ARHGAP42: variants seen among roughly 807,000 people sequenced by gnomAD.
ARHGAP42 encodes the protein rho GTPase-activating protein 42.
ARHGAP42 carries 63 observed loss-of-function variants against 125.0 expected under a neutral mutation model. The observed-to-expected ratio is 0.50, with a 90% CI of 0.41 to 0.62. The LOEUF is 0.62. ARHGAP42 is among the 20% of genes least tolerant of loss of function. The probability of loss-of-function intolerance (pLI) is 0.00; values close to 1 mark genes in which losing one functional copy is unlikely to be tolerated. For missense variants in ARHGAP42, 766 were observed against 1,024.2 expected, an observed-to-expected ratio of 0.75 and a Z score of 3.44; for synonymous variants, 339 against 351.0, an observed-to-expected ratio of 0.97 and a Z score of 0.38.
At chr11:100,750,028 C>T (rs1023127181) in intron 1 of ARHGAP42, among the ~76,000 whole-genome samples, 4 of 152,146 alleles carry the variant, frequency 2.6e-5, no homozygotes, top group Non-Finnish European at 4.4e-5. Flanking sequence ...CTCCTGATTT[C>T]TCACCCCTGA....
At chr11:100,821,546 C>A (rs1045155446) in intron 3 of ARHGAP42, among the ~76,000 whole-genome samples, 2 of 151,522 alleles carry the variant, frequency 1.3e-5, no homozygotes, top group Admixed American at 6.6e-5. Flanking sequence ...TGTGAAACAT[C>A]CCTTGTATGC....
intron 17 of ARHGAP42, among the ~76,000 whole-genome samples, chr11:100,967,807 G>A (rs765036365): frequency 4.6e-5 from 7 of 152,072 alleles, no homozygotes; most frequent in Non-Finnish European, 1.0e-4. Flanking sequence ...TCCATCTCCT[G>A]GGTTCAAGTG....
intron 10 of ARHGAP42, among the ~76,000 whole-genome samples, chr11:100,945,373 C>T (rs1867988097): frequency 6.6e-6 from 1 of 151,982 alleles, no homozygotes; most frequent in East Asian, 1.9e-4. Context: ...ATTTTGGCTT[C>T]CTCCCACGAG....
intron 2 of ARHGAP42, among the ~76,000 whole-genome samples, chr11:100,775,832 T>C (rs73575556): frequency 0.013 from 1,933 of 152,300 alleles, 52 homozygotes; most frequent in African/African-American, 0.043. Context: ...AAATCAAAGA[T>C]TAAAAATGAG....
At chr11:100,789,956 C>T (rs74774118) in intron 2 of ARHGAP42, among the ~76,000 whole-genome samples, 2,513 of 152,252 alleles carry the variant, frequency 0.017, 68 homozygotes, top group African/African-American at 0.056. Flanking sequence ...GCAAGAGAGA[C>T]ATGCTTTCCC....
In ARHGAP42 at chr11:100,757,647, A is replaced by G. The variant is rs758956239; in HGVS notation, c.155-12696A>G. ...ATGAAATCTGCAATTTAAAAATGCC[A>G]TTTTTGCCAAAATAGTTTCAAAAAT... On this transcript the variant is annotated intron_variant, in intron 1 of 23. Transcript: ENST00000298815. Among the ~76,000 whole-genome samples, 3 of 152,196 alleles carry G rather than the reference A, an allele frequency of 2.0e-5. No individual in the cohort carries two copies. In the South Asian group the frequency reaches 6.2e-4, roughly 31 times the overall value.
At position 100,992,327 on chromosome 11, in the gene ARHGAP42, G is replaced by T; in HGVS notation, c.*3526G>T. 1 of 1,608,878 alleles carries T rather than the reference G, an allele frequency of 6.2e-7. No individual in the cohort carries two copies. Among genetic ancestry groups the T allele is most frequent in the Non-Finnish European group, 8.5e-7 (1 of 1,177,808 alleles). On this transcript the variant is annotated 3_prime_UTR_variant, in exon 24 of 24. Transcript: ENST00000298815. ...TGTTAGCATGACCTCACATCACTGC[G>T]TAGGACCCGGAAATCACATCTCCTG...
chr11:100,800,378 C>T (rs1034901515), intron 3 of ARHGAP42, among the ~76,000 whole-genome samples: 2 of 152,116 alleles, frequency 1.3e-5, no homozygotes, highest in African/African-American at 4.8e-5. Context: ...GTGAAATGTG[C>T]TGAGCTTGGT....
At chr11:100,954,938 G>A (rs187667972) in intron 12 of ARHGAP42, among the ~76,000 whole-genome samples, 149 of 152,268 alleles carry the variant, frequency 9.8e-4, no homozygotes, top group Non-Finnish European at 1.6e-3. Context: ...TGAAACAGGA[G>A]ATCAGCAAAG....
Position 100,987,583 on chromosome 11 carries a change from T to G in ARHGAP42, c.2527T>G (p.Phe843Val). The change falls in exon 23 of 24, where the codon TTT becomes GTT. Residue 843 changes from phenylalanine (F) to valine (V), a missense_variant. Phe to Val is a conservative substitution (Grantham distance 50). Around this residue, in one of 3 missense-constraint regions of ARHGAP42, gnomAD observed 308 missense variants for 369.7 expected, o/e 0.83. Coordinates refer to ENST00000298815, the MANE Select transcript of ARHGAP42 (RefSeq NM_152432.4). ...HELSFPQGAI[F>V]SNVYPSVEPG... ...GCTTTCCTTCCCACAAGGAGCAATA[T>G]TTTCTAATGGTAAGTATGTCAATTC... 1 of 1,551,554 alleles carries G rather than the reference T, an allele frequency of 6.4e-7. No individual in the cohort carries two copies. The highest frequency in any genetic ancestry group is 8.7e-7 in the Non-Finnish European group (1 of 1,146,774).
intron 4 of ARHGAP42, among the ~76,000 whole-genome samples, chr11:100,877,682 A>G (rs1865852080): frequency 1.3e-5 from 2 of 152,148 alleles, no homozygotes; most frequent in South Asian, 4.1e-4. Context: ...TGATGACTTC[A>G]GGACAGCTCC....
chr11:100,687,532 C>A lies in ARHGAP42; in HGVS notation c.-147C>A, dbSNP rs889874155. The stretch of plus-strand genomic sequence containing the variant: ...GGCGCAGGCGGCGCGGCGCTCGGGG[C>A]CCGTTTCCTCCGCGCAATCAGTCCC... On this transcript the variant is annotated 5_prime_UTR_variant, in exon 1 of 24. Transcript: ENST00000298815. 9 of 483,338 alleles carry A rather than the reference C, an allele frequency of 1.9e-5. No homozygotes were observed. In the South Asian group the frequency reaches 4.9e-4, roughly 26 times the overall value. The allele number at this position is 483,338 out of a possible 1,614,324, so 29.9% of individuals were successfully genotyped here. A position where few individuals can be genotyped will look rare whatever the true frequency, so the allele number is the denominator to read the frequency against.
At chr11:100,806,269 C>T (rs542285914) in intron 3 of ARHGAP42, among the ~76,000 whole-genome samples, 80 of 152,252 alleles carry the variant, frequency 5.3e-4, no homozygotes, top group African/African-American at 1.7e-3. Flanking sequence ...GAAAGAATTA[C>T]GTATCCCCAT....
At chr11:100,820,676 T>G (rs1294442107) in intron 3 of ARHGAP42, among the ~76,000 whole-genome samples, 2 of 152,134 alleles carry the variant, frequency 1.3e-5, no homozygotes, top group African/African-American at 4.8e-5. Flanking sequence ...GGGACCCTGT[T>G]TGTCTGTGTA....
intron 1 of ARHGAP42, among the ~76,000 whole-genome samples, chr11:100,769,069 T>A (rs557598450): frequency 6.6e-6 from 1 of 152,322 alleles, no homozygotes; most frequent in South Asian, 2.1e-4. Flanking sequence ...CTGTACTGAG[T>A]ACTGTAGGCA....
At chr11:100,780,641 A>G (rs1238625478) in intron 2 of ARHGAP42, among the ~76,000 whole-genome samples, 1 of 152,232 alleles carries the variant, frequency 6.6e-6, no homozygotes, top group Non-Finnish European at 1.5e-5. Flanking sequence ...TGGGGATTAG[A>G]GTCAGAAACC....
chr11:100,792,071 A>G lies in ARHGAP42; in HGVS notation c.251-3034A>G, dbSNP rs371490724. Among the ~76,000 whole-genome samples the G allele has an allele frequency of 1.9e-4, 29 of 152,308 alleles. No individual in the cohort carries two copies. In the East Asian group the frequency reaches 3.7e-3, roughly 19 times the overall value. ...GTGGACTTCAGCTGTTCTCAGAGGC[A>G]ATACCCAGGAGCCAGTGAAATACAC... On this transcript the variant is annotated intron_variant, in intron 2 of 23. Coordinates refer to ENST00000298815, the MANE Select transcript of ARHGAP42 (RefSeq NM_152432.4).
At chr11:100,802,744 A>T (rs2135045853) in intron 3 of ARHGAP42, among the ~76,000 whole-genome samples, 1 of 150,730 alleles carries the variant, frequency 6.6e-6, no homozygotes, top group East Asian at 2.0e-4. Context: ...TTCTTAATAC[A>T]CTCCCTCTTG....
chr11:100,734,622 T>C (rs1201867669), intron 1 of ARHGAP42, among the ~76,000 whole-genome samples: 1 of 152,202 alleles, frequency 6.6e-6, no homozygotes, highest in African/African-American at 2.4e-5. Flanking sequence ...TTCTGCAGGA[T>C]TTTTGGCATT....
Sources: gnomAD v4.1 joint callset for allele counts (sites outside exome capture counted in the v4.1 genomes callset) on GRCh38, gnomAD v4.1.1 for gene constraint, gnomAD v4.1.1 regional missense constraint, MANE v1.5 for transcripts, NCBI Gene and HGNC (gene_info 2026-07-23, HGNC 2026-07-21) for gene names.